The following RALYL variants were observed in gnomAD, a reference collection of about 807,000 sequenced individuals.
RALYL encodes the protein RNA-binding Raly-like protein.
RALYL carries 29 observed loss-of-function variants against 35.1 expected under a neutral mutation model. The ratio of observed to expected loss-of-function variants is 0.83; its 90% CI spans 0.61 to 1.13. RALYL has a LOEUF of 1.13. RALYL is among the 50% of genes most tolerant of loss of function. The pLI, the probability that RALYL is intolerant of heterozygous loss-of-function variation, is 0.00. For missense variants in RALYL, 359 were observed against 360.4 expected, an observed-to-expected ratio of 1.00 and a Z score of 0.03; for synonymous variants, 120 against 127.6, an observed-to-expected ratio of 0.94 and a Z score of 0.40.
intron 4 of RALYL, among the ~76,000 whole-genome samples, chr8:84,843,142 A>T (rs1187847799): frequency 6.6e-6 from 1 of 152,184 alleles, no homozygotes; most frequent in African/African-American, 2.4e-5. Context: ...GAAGGAAATA[A>T]AGGGTATTCA....
chr8:84,423,968 TG>T (rs1290084995), intron 1 of RALYL, among the ~76,000 whole-genome samples: 1 of 151,858 alleles, frequency 6.6e-6, no homozygotes, highest in Non-Finnish European at 1.5e-5. Flanking sequence ...CCTTTCTCTC[TG>T]GCTGCCCTTA....
chr8:84,732,670 A>ATATATATATG (rs1158948666), intron 2 of RALYL, among the ~76,000 whole-genome samples: 1 of 136,174 alleles, frequency 7.3e-6, no homozygotes, highest in African/African-American at 2.9e-5. Flanking sequence ...TTAAATAATT[A>ATATATATATG]TATATATATA....
At chr8:84,360,233 G>C (rs1248995035) in intron 1 of RALYL, among the ~76,000 whole-genome samples, 2 of 152,156 alleles carry the variant, frequency 1.3e-5, no homozygotes, top group African/African-American at 2.4e-5. Flanking sequence ...GAACTTTTTA[G>C]AGATTACTTT....
At chr8:84,571,084 A>G (rs1807862624) in intron 2 of RALYL, among the ~76,000 whole-genome samples, 1 of 151,678 alleles carries the variant, frequency 6.6e-6, no homozygotes, top group African/African-American at 2.4e-5. Context: ...TAGGTTCATC[A>G]GGGATATTGC....
intron 2 of RALYL, among the ~76,000 whole-genome samples, chr8:84,639,178 A>G (rs1271493245): frequency 6.6e-6 from 1 of 151,704 alleles, no homozygotes; most frequent in East Asian, 2.0e-4. Flanking sequence ...ATTTAATTAA[A>G]GCTACAGTTG....
chr8:84,712,901 C>T (rs936019568), intron 2 of RALYL, among the ~76,000 whole-genome samples: 3 of 152,088 alleles, frequency 2.0e-5, no homozygotes, highest in Admixed American at 6.6e-5. Flanking sequence ...ACATTTTCTT[C>T]CATTCCATGG....
intron 4 of RALYL, among the ~76,000 whole-genome samples, chr8:84,833,284 G>T (rs1831283914): frequency 6.6e-6 from 1 of 152,116 alleles, no homozygotes; most frequent in African/African-American, 2.4e-5. Context: ...CAAAGTGAAA[G>T]TCCAATGGAA....
At chr8:84,200,126 CG>C (rs1816486000) in intron 1 of RALYL, among the ~76,000 whole-genome samples, 1 of 152,098 alleles carries the variant, frequency 6.6e-6, no homozygotes, top group South Asian at 2.1e-4. Flanking sequence ...TGCTTTTACT[CG>C]TTTGAGCTTC....
intron 1 of RALYL, among the ~76,000 whole-genome samples, chr8:84,379,094 C>G (rs1338298153): frequency 6.6e-6 from 1 of 151,886 alleles, no homozygotes; most frequent in Non-Finnish European, 1.5e-5. Flanking sequence ...TTATTTAGAT[C>G]AGGCTTCAGC....
chr8:84,307,954 G>A (rs1043731088), intron 1 of RALYL, among the ~76,000 whole-genome samples: 1 of 151,908 alleles, frequency 6.6e-6, no homozygotes, highest in African/African-American at 2.4e-5. Context: ...TGTAAAGCAA[G>A]TTAGTTTCCT....
intron 4 of RALYL, among the ~76,000 whole-genome samples, chr8:84,806,424 T>C (rs921293874): frequency 5.9e-5 from 9 of 152,178 alleles, no homozygotes; most frequent in Non-Finnish European, 1.2e-4. Context: ...CTGTGCAGCC[T>C]TTACTGTTCT....
intron 1 of RALYL, among the ~76,000 whole-genome samples, chr8:84,280,994 A>G (rs118156128): frequency 0.019 from 2,886 of 152,220 alleles, 42 homozygotes; most frequent in Non-Finnish European, 0.031. Context: ...CAGTTTGCAT[A>G]GGGAGGAGGT....
At chr8:84,538,821 A>G (rs1383607098) in intron 2 of RALYL, among the ~76,000 whole-genome samples, 1 of 152,182 alleles carries the variant, frequency 6.6e-6, no homozygotes, top group Non-Finnish European at 1.5e-5. Flanking sequence ...ACAACACACA[A>G]TAGGAAGTGG....
At chr8:84,573,077 T>C (rs1485585478) in intron 2 of RALYL, among the ~76,000 whole-genome samples, 1 of 151,560 alleles carries the variant, frequency 6.6e-6, no homozygotes, top group African/African-American at 2.4e-5. Context: ...TTATTGTTTT[T>C]TCCTATTTTC....
At chr8:84,484,676 A>G (rs2054417347) in intron 1 of RALYL, among the ~76,000 whole-genome samples, 1 of 152,194 alleles carries the variant, frequency 6.6e-6, no homozygotes, top group Non-Finnish European at 1.5e-5. Flanking sequence ...CATATGTAAT[A>G]TTTGTTTTTA....
intron 1 of RALYL, among the ~76,000 whole-genome samples, chr8:84,191,167 CGTG>C (rs1813762835): frequency 7.8e-6 from 1 of 128,604 alleles, no homozygotes; most frequent in Non-Finnish European, 1.6e-5. Context: ...TTGTATGTGT[CGTG>C]TGTGTGTGTG....
rs13267859 is a variant in RALYL, at chr8:84,920,933, A to G, written c.*22A>G. ...GTGATCTGAAATAACGCATGATGCC[A>G]CAAAGCAGAAAAGAGAAACTGTGAC... On this transcript the variant is annotated 3_prime_UTR_variant, in exon 9 of 9. Transcript: ENST00000521268. The G allele has an allele frequency of 0.27, 381,682 of 1,402,566 alleles. 56,249 individuals carry two copies. The highest frequency in any genetic ancestry group is 0.62 in the East Asian group (22,884 of 36,636). 86.9% of individuals were successfully genotyped at this position (1,402,566 alleles called of 1,614,324 possible).
rs575199587 is a variant in RALYL, at chr8:84,428,473, G to T, written c.-23-100826G>T. Among the ~76,000 whole-genome samples, 6 of 152,264 alleles carry T rather than the reference G, an allele frequency of 3.9e-5. No homozygotes were observed. The East Asian group carries it at 7.7e-4, about 20-fold the overall frequency. Reference sequence around the variant, plus strand: ...TTCCTTATTTTTCTTGAGTAGGGTTGTGAGAAATGGCTCAATGTAAAAGGC... The same window carrying T: ...TTCCTTATTTTTCTTGAGTAGGGTTTTGAGAAATGGCTCAATGTAAAAGGC... On this transcript the variant is annotated intron_variant, in intron 1 of 8. Transcript: ENST00000521268.
chr8:84,630,531 C>T (rs535395673), intron 2 of RALYL, among the ~76,000 whole-genome samples: 3 of 152,064 alleles, frequency 2.0e-5, no homozygotes, highest in South Asian at 2.1e-4. Context: ...GCAGTTTCTC[C>T]GCTGCTTCCA....
Sources: gnomAD v4.1 joint callset for allele counts (sites outside exome capture counted in the v4.1 genomes callset) on GRCh38, gnomAD v4.1.1 for gene constraint, MANE v1.5 for transcripts, NCBI Gene and HGNC (gene_info 2026-07-23, HGNC 2026-07-21) for gene names.